SBF2: variants seen among roughly 807,000 people sequenced by gnomAD.
SBF2 encodes the protein myotubularin-related protein 13.
A neutral mutation model predicts 225.2 loss-of-function variants in SBF2; 112 were observed. The ratio of observed to expected loss-of-function variants is 0.50; its 90% CI spans 0.43 to 0.58. The LOEUF is 0.58. Among genes scored for constraint, SBF2 ranks in the 20% least tolerant of loss-of-function variants. The probability of loss-of-function intolerance (pLI) is 0.00; values close to 1 mark genes in which losing one functional copy is unlikely to be tolerated. For missense variants in SBF2, 1,996 were observed against 2,206.2 expected (o/e 0.90, Z 1.91); for synonymous variants, 763 against 773.3 (o/e 0.99, Z 0.22).
At chr11:9,850,730 T>C (rs747764811) in intron 21 of SBF2, among the ~76,000 whole-genome samples, 5 of 152,204 alleles carry the variant, frequency 3.3e-5, no homozygotes, top group African/African-American at 4.8e-5. Flanking sequence ...CTTTGCAGAA[T>C]TGTGTAAAAG....
At chr11:9,847,139 G>C (rs1331996365) in intron 22 of SBF2, 56 bp from the exon 23 acceptor site, 2 of 1,600,368 alleles carry the variant, frequency 1.2e-6, no homozygotes, top group South Asian at 1.1e-5. Context: ...CACTTTTAGA[G>C]TGTCTACTGC....
rs752980428 is a variant in SBF2 at position 9,787,681 on chromosome 11, A to G, written c.4990T>C (p.Trp1664Arg). ...NQAPEKWQQL[W>R]ERVTVDLKEE... ...TTAAGGTCCACGGTTACCCTTTCCC[A>G]CAGCTGCTGCCACTTCTCAGGGGCT... The change falls in exon 36 of 40, where the codon TGG becomes CGG. Residue 1664 changes from tryptophan to arginine, a missense_variant. Physicochemically the swap from Trp to Arg is moderately radical, Grantham distance 101 (BLOSUM62 -3). Transcript: ENST00000256190. The G allele has an allele frequency of 6.2e-7, 1 of 1,614,122 alleles. No individual in the cohort carries two copies. The highest frequency in any genetic ancestry group is 2.2e-5 in the East Asian group (1 of 44,894).
chr11:9,999,731 T>C (rs931117859), intron 8 of SBF2, among the ~76,000 whole-genome samples: 2 of 152,206 alleles, frequency 1.3e-5, no homozygotes, highest in African/African-American at 4.8e-5. Context: ...TTTACACATA[T>C]TTTTATACAG....
In SBF2 at chr11:9,959,824, T is replaced by C. The variant is rs1407401992; in HGVS notation, c.1860+2133A>G. 1.2e-5 allele frequency: 7 copies of C among 578,528 alleles called. No individual in the cohort carries two copies. The East Asian group carries it at 2.7e-4, about 22-fold the overall frequency. The allele number at this position is 578,528 out of a possible 1,614,324, so 35.8% of individuals were successfully genotyped here. A position where few individuals can be genotyped will look rare whatever the true frequency, so the allele number is the denominator to read the frequency against. ...TCTGGGCACTGAGCAGGCGGGTAGG[T>C]AAAGGTAGGCTGCGAGAGTGAGGAG... On this transcript the variant is annotated intron_variant, in intron 16 of 39. Coordinates refer to ENST00000256190, the MANE Select transcript of SBF2 (RefSeq NM_030962.4).
chr11:10,128,801 T>C (rs762866266), intron 2 of SBF2, among the ~76,000 whole-genome samples: 2 of 152,228 alleles, frequency 1.3e-5, no homozygotes, highest in Non-Finnish European at 2.9e-5. Context: ...TTTAGAAAGT[T>C]GCAAACATTT....
chr11:9,961,175 C>T (rs929644678), intron 16 of SBF2: 1 of 152,018 alleles, frequency 6.6e-6, no homozygotes, highest in Non-Finnish European at 1.5e-5. Flanking sequence ...GATACATTTT[C>T]TCATTTATTT....
intron 1 of SBF2, among the ~76,000 whole-genome samples, chr11:10,227,239 AG>A (rs1234239651): frequency 6.6e-6 from 1 of 152,154 alleles, no homozygotes; most frequent in Non-Finnish European, 1.5e-5. Context: ...TCAGATGAGT[AG>A]GTTGCAAAAA....
intron 2 of SBF2, among the ~76,000 whole-genome samples, chr11:10,072,489 T>A (rs939930088): frequency 2.6e-5 from 4 of 152,122 alleles, no homozygotes; most frequent in African/African-American, 9.7e-5. Context: ...TTTTTTCAAT[T>A]AAAATTGACA....
chr11:10,294,220 G>C (rs559641680), upstream of SBF2: 1 of 539,838 alleles, frequency 1.9e-6, no homozygotes, highest in African/African-American at 2.0e-5. Flanking sequence ...GGCGCGCTCT[G>C]CGCTTGCGCG....
intron 1 of SBF2, among the ~76,000 whole-genome samples, chr11:10,222,533 GA>G (rs1405054868): frequency 3.3e-5 from 5 of 152,108 alleles, no homozygotes; most frequent in Non-Finnish European, 7.4e-5. Context: ...AGACGACAGA[GA>G]AAAAGGTACA....
At chr11:9,812,035 G>A (rs551497813) in intron 30 of SBF2, among the ~76,000 whole-genome samples, 30 of 150,408 alleles carry the variant, frequency 2.0e-4, no homozygotes, top group Admixed American at 5.3e-4. Context: ...TAGACACTGT[G>A]TTTTTTTTTC....
rs1958462978 is a variant in SBF2, at chr11:10,224,510, T to C, written c.56-30523A>G. On this transcript the variant is annotated intron_variant, in intron 1 of 39. Coordinates refer to ENST00000256190, the MANE Select transcript of SBF2 (RefSeq NM_030962.4). ...AGATCTGTATGATCTGGCCCCTACC[T>C]CCACAACGTCATTCATCCAATTCTA... 2.0e-5 allele frequency among the ~76,000 whole-genome samples: 3 copies of C among 152,120 alleles called. No individual in the cohort carries two copies. In the South Asian group the frequency reaches 6.2e-4, roughly 31 times the overall value.
intron 16 of SBF2, among the ~76,000 whole-genome samples, chr11:9,946,199 T>C (rs545048264): frequency 5.3e-4 from 80 of 152,240 alleles, no homozygotes; most frequent in African/African-American, 1.8e-3. Context: ...CCATCAATGG[T>C]TGACTGGATA....
chr11:9,827,073 G>A (rs1182936408), intron 28 of SBF2, among the ~76,000 whole-genome samples: 1 of 152,114 alleles, frequency 6.6e-6, no homozygotes, highest in East Asian at 1.9e-4. Context: ...CCTGACCTCA[G>A]GTGATCTGCT....
intron 28 of SBF2, among the ~76,000 whole-genome samples, chr11:9,821,986 G>C (rs547861711): frequency 6.6e-6 from 1 of 152,114 alleles, no homozygotes; most frequent in Non-Finnish European, 1.5e-5. Context: ...TGCAAATGTC[G>C]ACTTTCTTCC....
At chr11:10,008,487 C>T (rs933281207) in intron 6 of SBF2, among the ~76,000 whole-genome samples, 3 of 152,234 alleles carry the variant, frequency 2.0e-5, no homozygotes, top group Non-Finnish European at 2.9e-5. Context: ...GAAGAAAGGG[C>T]TCAGGAAAAG....
chr11:10,106,758 T>C (rs1157993276), intron 2 of SBF2, among the ~76,000 whole-genome samples: 1 of 152,066 alleles, frequency 6.6e-6, no homozygotes, highest in Non-Finnish European at 1.5e-5. Flanking sequence ...GCAAATCATG[T>C]ATCTGAAGGA....
intron 20 of SBF2, 100 bp downstream of exon 20, chr11:9,853,440 G>T: frequency 9.9e-7 from 1 of 1,008,598 alleles, no homozygotes; most frequent in Admixed American, 1.8e-5. Flanking sequence ...TAAATAAATA[G>T]CATGGCTGAA....
In SBF2 at chr11:9,779,238, G is replaced by A. The variant is rs1851881318; in HGVS notation, c.*1180C>T. 6.6e-6 allele frequency: 1 copy of A among 152,534 alleles called. No individual in the cohort carries two copies. The highest frequency in any genetic ancestry group is 1.5e-5 in the Non-Finnish European group (1 of 68,022). 9.4% of individuals were successfully genotyped at this position (152,534 alleles called of 1,614,324 possible). On this transcript the variant is annotated 3_prime_UTR_variant, in exon 40 of 40. Transcript: ENST00000256190. ...TATAAGCAGGCTATCTGAAAAACAA[G>A]GATATAGAAATCATATATACACATT... is the stretch of plus-strand genomic sequence containing the variant.
Sources: gnomAD v4.1 joint callset for allele counts (sites outside exome capture counted in the v4.1 genomes callset) on GRCh38, gnomAD v4.1.1 for gene constraint, MANE v1.5 for transcripts, NCBI Gene and HGNC (gene_info 2026-07-23, HGNC 2026-07-21) for gene names.